Variants in NRG3 observed in about 807,000 individuals in gnomAD.
NRG3 encodes pro-neuregulin-3, membrane-bound isoform.
A neutral mutation model predicts 66.9 loss-of-function variants in NRG3; 31 were observed. That is an observed-to-expected ratio of 0.46 (90% CI 0.35 to 0.63). NRG3 has a LOEUF of 0.63. Ranked by LOEUF, NRG3 falls within the 20% of genes least tolerant of loss-of-function variation. The pLI, the probability that NRG3 is intolerant of heterozygous loss-of-function variation, is 0.00. For synonymous variants in NRG3, 393 were observed against 359.4 expected (o/e 1.09, Z -1.06); for missense variants, 910 against 878.9 (o/e 1.04, Z -0.45).
At chr10:82,472,024 A>T (rs1362818393) in intron 2 of NRG3, among the ~76,000 whole-genome samples, 1 of 152,130 alleles carries the variant, frequency 6.6e-6, no homozygotes. Context: ...ACTTAATATG[A>T]GTGGATGGTG....
At chr10:82,296,353 C>T (rs938074970) in intron 1 of NRG3, among the ~76,000 whole-genome samples, 7 of 152,110 alleles carry the variant, frequency 4.6e-5, no homozygotes, top group African/African-American at 1.7e-4. Context: ...ACAAACCATC[C>T]TTCCTTGCAT....
chr10:82,974,138 A>G (rs2132594245), intron 7 of NRG3, among the ~76,000 whole-genome samples: 1 of 152,262 alleles, frequency 6.6e-6, no homozygotes, highest in Middle Eastern at 3.4e-3. Context: ...ATAGAACTAT[A>G]GATAACACCC....
chr10:82,642,550 A>G (rs2050656808), intron 2 of NRG3, among the ~76,000 whole-genome samples: 1 of 152,014 alleles, frequency 6.6e-6, no homozygotes, highest in Non-Finnish European at 1.5e-5. Context: ...ATGGAGAAAT[A>G]TATGAGATGA....
rs1484699004 is a variant in NRG3, at chr10:82,236,773, TG to T, written c.824-121964del. On this transcript the variant is annotated intron_variant, in intron 1 of 8. Transcript: ENST00000372141. Reference sequence around the variant, plus strand: ...CTCTGTTGCCCAGGCTGGAGTGCAGTGGTGCGATCTCCGCCTACTGCAAGCT... The same window carrying T: ...CTCTGTTGCCCAGGCTGGAGTGCAGTGTGCGATCTCCGCCTACTGCAAGCT... 2.2e-5 allele frequency among the ~76,000 whole-genome samples: 3 copies of T among 139,472 alleles called. No individual in the cohort carries two copies. The East Asian group carries it at 6.5e-4, about 30-fold the overall frequency. 91.5% of individuals were successfully genotyped at this position (139,472 alleles called of 152,430 possible). A position where few individuals can be genotyped will look rare whatever the true frequency, so the allele number is the denominator to read the frequency against.
At chr10:82,520,457 G>C (rs143537146) in intron 2 of NRG3, among the ~76,000 whole-genome samples, 346 of 151,898 alleles carry the variant, frequency 2.3e-3, no homozygotes, top group African/African-American at 7.9e-3. Flanking sequence ...TTTTTACCTG[G>C]TATTTTCGTA....
chr10:82,135,333 A>G (rs2069254946), intron 1 of NRG3, among the ~76,000 whole-genome samples: 2 of 151,952 alleles, frequency 1.3e-5, no homozygotes, highest in African/African-American at 4.8e-5. Context: ...TTTAGGCTAA[A>G]TCTGCTTGGC....
At chr10:82,951,600 G>T in intron 5 of NRG3, 29 bp downstream of exon 5, 1 of 1,587,082 alleles carries the variant, frequency 6.3e-7, no homozygotes, top group African/African-American at 1.3e-5. Flanking sequence ...AGTGTTTAAA[G>T]GTTACTTTTA....
chr10:82,091,735 T>A (rs965479760), intron 1 of NRG3, among the ~76,000 whole-genome samples: 8 of 152,230 alleles, frequency 5.3e-5, no homozygotes, highest in Non-Finnish European at 1.2e-4. Context: ...GGAACTACCA[T>A]GCTGTTTCCA....
chr10:82,442,687 C>T (rs1183895420), intron 2 of NRG3, among the ~76,000 whole-genome samples: 1 of 147,686 alleles, frequency 6.8e-6, no homozygotes, highest in African/African-American at 2.5e-5. Flanking sequence ...AGAGTCTACA[C>T]ATTTATCAAA....
At chr10:81,919,118 AT>A (rs1010792486) in intron 1 of NRG3, among the ~76,000 whole-genome samples, 2 of 152,286 alleles carry the variant, frequency 1.3e-5, no homozygotes, top group Admixed American at 1.3e-4. Flanking sequence ...CATCTGTTGA[AT>A]TCTTGTTGGA....
chr10:82,219,366 A>T (rs1171653578), intron 1 of NRG3, among the ~76,000 whole-genome samples: 1 of 151,042 alleles, frequency 6.6e-6, no homozygotes, highest in Non-Finnish European at 1.5e-5. Context: ...GGGCGTAGTC[A>T]TCCAAACTCG....
At chr10:81,958,327 A>G (rs562323671) in intron 1 of NRG3, among the ~76,000 whole-genome samples, 133 of 152,348 alleles carry the variant, frequency 8.7e-4, no homozygotes, top group Non-Finnish European at 9.4e-4. Context: ...CAGGAAAAAC[A>G]CGTTTATAAG....
At chr10:82,218,124 C>A (rs1451222019) in intron 1 of NRG3, among the ~76,000 whole-genome samples, 1 of 152,094 alleles carries the variant, frequency 6.6e-6, no homozygotes, top group Non-Finnish European at 1.5e-5. Context: ...TGTGTTTAAT[C>A]TACATGTGAG....
intron 2 of NRG3, among the ~76,000 whole-genome samples, chr10:82,536,560 C>G (rs556618929): frequency 6.6e-6 from 1 of 152,224 alleles, no homozygotes; most frequent in South Asian, 2.1e-4. Context: ...TGCTCGTACT[C>G]ATTTTACAAG....
chr10:82,700,727 T>C (rs2055804627), intron 2 of NRG3, among the ~76,000 whole-genome samples: 1 of 152,120 alleles, frequency 6.6e-6, no homozygotes, highest in African/African-American at 2.4e-5. Context: ...TTCAAAGTGA[T>C]CTTCTGTGTT....
intron 2 of NRG3, among the ~76,000 whole-genome samples, chr10:82,662,139 A>G (rs983898346): frequency 1.3e-5 from 2 of 152,202 alleles, no homozygotes; most frequent in African/African-American, 4.8e-5. Context: ...TAATAGATTC[A>G]TATTGTTTGC....
intron 2 of NRG3, among the ~76,000 whole-genome samples, chr10:82,487,821 A>C (rs1260729478): frequency 6.6e-6 from 1 of 152,194 alleles, no homozygotes; most frequent in Non-Finnish European, 1.5e-5. Context: ...TGAATTTTAA[A>C]TCCAATTCGT....
At chr10:82,695,801 A>C (rs2055332766) in intron 2 of NRG3, among the ~76,000 whole-genome samples, 1 of 152,102 alleles carries the variant, frequency 6.6e-6, no homozygotes, top group South Asian at 2.1e-4. Context: ...CGTGTCCACC[A>C]TTTTATTTTA....
chr10:82,923,989 T>G (rs759375777), intron 4 of NRG3, among the ~76,000 whole-genome samples: 27 of 146,782 alleles, frequency 1.8e-4, no homozygotes, highest in Non-Finnish European at 3.1e-4. Context: ...TCCCAGCTAC[T>G]CAGGAGGCTG....
Sources: gnomAD v4.1 joint callset for allele counts (sites outside exome capture counted in the v4.1 genomes callset) on GRCh38, gnomAD v4.1.1 for gene constraint, MANE v1.5 for transcripts, NCBI Gene and HGNC (gene_info 2026-07-23, HGNC 2026-07-21) for gene names.